Variants in HCN2 observed in about 807,000 individuals in gnomAD.
HCN2 encodes hyperpolarization activated cyclic nucleotide gated potassium and sodium channel 2.
A neutral mutation model predicts 52.3 loss-of-function variants in HCN2; 20 were observed. The ratio of observed to expected loss-of-function variants is 0.38; its 90% confidence interval spans 0.27 to 0.56. The LOEUF (loss-of-function observed/expected upper bound fraction) is 0.56, where lower values mean the gene tolerates loss of function less well. Ranked by LOEUF, HCN2 falls within the 20% of genes least tolerant of loss-of-function variation. The probability of loss-of-function intolerance (pLI) is 0.71; values close to 1 mark genes in which losing one functional copy is unlikely to be tolerated. For synonymous variants in HCN2, 694 were observed against 537.0 expected, an observed-to-expected ratio of 1.29 and a Z score of -4.04; for missense variants, 981 against 1,207.7, an observed-to-expected ratio of 0.81 and a Z score of 2.78.
chr19:614,045 G>C (rs1381572275), intron 7 of HCN2, 29 bp downstream of exon 7: 1 of 1,520,042 alleles, frequency 6.6e-7, no homozygotes, highest in Non-Finnish European at 8.8e-7. Flanking sequence ...TGGCCGGGGC[G>C]GGTGCCCTGG....
In HCN2 at chr19:590,551, G is replaced by T; in HGVS notation, c.606G>T (p.Trp202Cys). The T allele has an allele frequency of 2.0e-6, 3 of 1,501,152 alleles. No individual in the cohort carries two copies. Among genetic ancestry groups the T allele is most frequent in the Non-Finnish European group, 2.7e-6 (3 of 1,117,130 alleles). 93.0% of individuals were successfully genotyped at this position (1,501,152 alleles called of 1,614,324 possible). ...AGCGCGTCAAGTCGGCGGGGGCCTGGATCATCCACCCGTACAGCGACTTCA... is the reference window on the plus strand; with the variant it reads ...AGCGCGTCAAGTCGGCGGGGGCCTGTATCATCCACCCGTACAGCGACTTCA... ...EQERVKSAGAWIIHPYSDFRF... is the reference protein window; with the variant it reads ...EQERVKSAGACIIHPYSDFRF... Residue 202 changes from tryptophan to cysteine, a missense_variant, in exon 1 of 8, where the codon TGG becomes TGT. Around this residue, in one of 6 missense-constraint regions of HCN2, gnomAD observed 23 missense variants for 20.3 expected, o/e 1.13. Coordinates refer to ENST00000251287, the MANE Select transcript of HCN2 (RefSeq NM_001194.4). This position sits in a 1 kb window ranked among gnomAD's most constrained non-coding sequence, Gnocchi z 7.2.
At chr19:598,013 G>C (rs111387950) in intron 1 of HCN2, among the ~76,000 whole-genome samples, 3 of 152,172 alleles carry the variant, frequency 2.0e-5, no homozygotes, top group African/African-American at 7.2e-5. Flanking sequence ...ACTGGTGCTC[G>C]AAGGTGGGAG....
chr19:602,020 C>A (rs953775222), intron 1 of HCN2, among the ~76,000 whole-genome samples: 1 of 151,494 alleles, frequency 6.6e-6, no homozygotes, highest in Non-Finnish European at 1.5e-5. Flanking sequence ...CCGTTCCTCC[C>A]ACCCTCTCGG....
intron 1 of HCN2, among the ~76,000 whole-genome samples, chr19:597,879 C>T (rs114899185): frequency 0.013 from 1,943 of 151,740 alleles, 53 homozygotes; most frequent in African/African-American, 0.045. Context: ...GTCTCCTTGG[C>T]AGTTTCTAGG....
intron 7 of HCN2, among the ~76,000 whole-genome samples, chr19:615,124 G>C (rs1568369643): frequency 6.6e-6 from 1 of 152,078 alleles, no homozygotes; most frequent in Non-Finnish European, 1.5e-5. Flanking sequence ...TGGCACACTG[G>C]AGGCAGTCAT....
rs750453649 is a variant in HCN2, at chr19:592,722, C to T, written c.632+2145C>T. On this transcript the variant is annotated intron_variant, in intron 1 of 7. Transcript: ENST00000251287. This position sits in a 1 kb window ranked among gnomAD's most constrained non-coding sequence, Gnocchi z 4.8. The stretch of plus-strand genomic sequence containing the variant: ...ACCCTCCCCAGGCTTGGGACCTGTG[C>T]CAGTGTGGAATCAGTGTGGAAAAAG... Among the ~76,000 whole-genome samples the T allele has an allele frequency of 6.6e-6, 1 of 152,122 alleles. No individual in the cohort carries two copies. Among genetic ancestry groups the T allele is most frequent in the Non-Finnish European group, 1.5e-5 (1 of 68,004 alleles).
At chr19:593,574 C>T (rs1327488230) in intron 1 of HCN2, among the ~76,000 whole-genome samples, 5 of 152,088 alleles carry the variant, frequency 3.3e-5, no homozygotes, top group Admixed American at 2.0e-4. Flanking sequence ...GAGCCGAGAT[C>T]GCGCTGCTGC....
intron 2 of HCN2, among the ~76,000 whole-genome samples, chr19:604,637 A>ATCC: frequency 1.8e-5 from 2 of 112,844 alleles, no homozygotes; most frequent in Non-Finnish European, 3.6e-5. Flanking sequence ...GGGGTCAGGC[A>ATCC]GCAAGGGCGG....
chr19:595,682 G>A (rs955618857), intron 1 of HCN2, among the ~76,000 whole-genome samples: 5 of 152,314 alleles, frequency 3.3e-5, no homozygotes, highest in East Asian at 1.9e-4. Flanking sequence ...GGCGCCCGGC[G>A]AGAGTTCGGT....
rs1983943500 is a variant in HCN2, at chr19:616,596, T to C, written c.*122T>C. 1 of 537,700 alleles carries C rather than the reference T, an allele frequency of 1.9e-6. No individual in the cohort carries two copies. The highest frequency in any genetic ancestry group is 2.6e-6 in the Non-Finnish European group (1 of 391,600). The allele number at this position is 537,700 out of a possible 1,614,324, so 33.3% of individuals were successfully genotyped here. A position where few individuals can be genotyped will look rare whatever the true frequency, so the allele number is the denominator to read the frequency against. Reference sequence around the variant, plus strand: ...CCAGAAGCCATAGACGAGACGTAGGTAGCCGTAGTTGGACGGACGGGCAGG... The same window carrying C: ...CCAGAAGCCATAGACGAGACGTAGGCAGCCGTAGTTGGACGGACGGGCAGG... On this transcript the variant is annotated 3_prime_UTR_variant, in exon 8 of 8. Transcript: ENST00000251287.
At chr19:597,230 G>A (rs1265141568) in intron 1 of HCN2, among the ~76,000 whole-genome samples, 1 of 152,194 alleles carries the variant, frequency 6.6e-6, no homozygotes, top group African/African-American at 2.4e-5. Context: ...TCCTTTCTGG[G>A]GACACAGGAG....
intron 5 of HCN2, among the ~76,000 whole-genome samples, chr19:612,427 T>TGTGTGTGTGTGTGTGAGAGAGAGA: frequency 4.5e-4 from 64 of 142,348 alleles, no homozygotes; most frequent in African/African-American, 1.7e-3. Flanking sequence ...TGTGTGTGTG[T>TGTGTGTGTGTGTGTGAGAGAGAGA]GAGAGAGAGA....
chr19:606,368 T>C lies in HCN2; in HGVS notation c.1218+1146T>C, dbSNP rs1485079815. 3.9e-5 allele frequency among the ~76,000 whole-genome samples: 6 copies of C among 151,996 alleles called. No individual in the cohort carries two copies. In the East Asian group the frequency reaches 1.2e-3, roughly 30 times the overall value. On this transcript the variant is annotated intron_variant, in intron 3 of 7. Coordinates refer to ENST00000251287, the MANE Select transcript of HCN2 (RefSeq NM_001194.4). ...CGCCTGCCTCGGCCTCCCAAAGTGTTGGGATTACAGGCGTGAGCCACCGCG... is the reference window on the plus strand; with the variant it reads ...CGCCTGCCTCGGCCTCCCAAAGTGTCGGGATTACAGGCGTGAGCCACCGCG...
Position 608,119 on chromosome 19 carries a change from C to T in HCN2, c.1374C>T (p.Phe458=), listed in dbSNP as rs766752103. Residue 458 remains phenylalanine, a synonymous_variant, in exon 4 of 8, where the codon TTC becomes TTT. Transcript: ENST00000251287. The stretch of plus-strand genomic sequence containing the variant: ...TGGGTGCCACCTGCTACGCCATGTT[C>T]ATCGGCCACGCCACTGCCCTCATCC... ...MIVGATCYAM[F]IGHATALIQS... The T allele has an allele frequency of 6.2e-7, 1 of 1,613,346 alleles. No homozygotes were observed. Among genetic ancestry groups the T allele is most frequent in the Admixed American group, 1.7e-5 (1 of 60,032 alleles).
chr19:602,674 GCTGTC>G (rs1661072162), intron 1 of HCN2, among the ~76,000 whole-genome samples: 1 of 152,196 alleles, frequency 6.6e-6, no homozygotes, highest in African/African-American at 2.4e-5. Flanking sequence ...CTGCTCCTCT[GCTGTC>G]CTGTCCTGTC....
intron 6 of HCN2, 47 bp from the exon 7 acceptor site, chr19:613,805 G>T (rs1342628146): frequency 2.1e-6 from 3 of 1,451,692 alleles, no homozygotes; most frequent in Non-Finnish European, 9.0e-7. Context: ...GGGGAGGGCC[G>T]CGGCGCCCGC....
At position 615,562 on chromosome 19, in the gene HCN2, T is replaced by G. The variant is rs139796100; in HGVS notation, c.1991-233T>G. Reference sequence around the variant, plus strand: ...CTGCTTTCTGTATGCAGGTGCTTCATGCATGCTGGCTGTGCATAGCAGGTG... The same window carrying G: ...CTGCTTTCTGTATGCAGGTGCTTCAGGCATGCTGGCTGTGCATAGCAGGTG... On this transcript the variant is annotated intron_variant, in intron 7 of 7. Transcript: ENST00000251287. Among the ~76,000 whole-genome samples the G allele has an allele frequency of 7.9e-5, 12 of 152,274 alleles. No homozygotes were observed. In the East Asian group the frequency reaches 2.1e-3, roughly 27 times the overall value.
rs528628787 is a variant in HCN2 at position 603,868 on chromosome 19, G to A, written c.957G>A (p.Thr319=). 1.4e-5 allele frequency: 22 copies of A among 1,612,524 alleles called. No individual in the cohort carries two copies. The highest frequency in any genetic ancestry group is 1.1e-4 in the African/African-American group (8 of 75,010). Residue 319 remains threonine (T), a synonymous_variant, in exon 2 of 8, where the codon ACG becomes ACA. Transcript: ENST00000251287. ...GCATTGACTCCGAGGTCTACAAGAC[G>A]GCACGCGCCCTGCGCATCGTGCGCT... ...EKGIDSEVYK[T]ARALRIVRFT... is the part of the protein sequence containing the mutation.
chr19:607,556 G>A (rs543584637), intron 3 of HCN2, among the ~76,000 whole-genome samples: 1 of 152,352 alleles, frequency 6.6e-6, no homozygotes, highest in East Asian at 1.9e-4. Flanking sequence ...CGGGTCAGCT[G>A]AGGACTTGGT....
Sources: gnomAD v4.1 joint callset for allele counts (sites outside exome capture counted in the v4.1 genomes callset) on GRCh38, gnomAD v4.1.1 for gene constraint, gnomAD v4.1.1 regional missense constraint, Gnocchi (gnomAD v3.1) non-coding constraint, MANE v1.5 for transcripts, NCBI Gene and HGNC (gene_info 2026-07-23, HGNC 2026-07-21) for gene names.